AGBL4: variants seen among roughly 807,000 people sequenced by gnomAD.
The protein encoded by AGBL4 is AGBL carboxypeptidase 4, also known as cytosolic carboxypeptidase 6.
Under a neutral mutation model 66.4 loss-of-function variants are expected in AGBL4, and 58 were observed. The observed-to-expected ratio is 0.87, with a 90% CI of 0.71 to 1.09. The LOEUF is 1.09. Ranked by LOEUF, AGBL4 falls within the 50% of genes least tolerant of loss-of-function variation. AGBL4 has a pLI of 0.00. For synonymous variants in AGBL4, 234 were observed against 222.9 expected (o/e 1.05, Z -0.44); for missense variants, 579 against 631.0 (o/e 0.92, Z 0.88).
At chr1:49,333,401 A>G (rs1377426832) in intron 3 of AGBL4, among the ~76,000 whole-genome samples, 1 of 152,042 alleles carries the variant, frequency 6.6e-6, no homozygotes, top group Non-Finnish European at 1.5e-5. Context: ...TCACTTGAAC[A>G]AGGGAGTCGG....
chr1:49,150,128 C>T (rs112852384), intron 4 of AGBL4, among the ~76,000 whole-genome samples: 4 of 152,094 alleles, frequency 2.6e-5, no homozygotes, highest in African/African-American at 7.2e-5. Context: ...GAGCCCTGCA[C>T]GCCTTAGGGG....
intron 3 of AGBL4, among the ~76,000 whole-genome samples, chr1:49,256,307 T>C (rs965680637): frequency 1.3e-5 from 2 of 152,168 alleles, no homozygotes; most frequent in Non-Finnish European, 2.9e-5. Context: ...AGTTGTAATA[T>C]ATCAATTAAA....
chr1:49,565,712 C>A (rs1038285209), intron 3 of AGBL4, among the ~76,000 whole-genome samples: 6 of 152,116 alleles, frequency 3.9e-5, no homozygotes, highest in African/African-American at 1.4e-4. Flanking sequence ...GGTAACCCAA[C>A]CTTTCTCTCT....
At chr1:48,817,104 A>G (rs1646198299) in intron 6 of AGBL4, among the ~76,000 whole-genome samples, 1 of 152,036 alleles carries the variant, frequency 6.6e-6, no homozygotes, top group African/African-American at 2.4e-5. Context: ...AAAAACTGGG[A>G]AAAAAAATGA....
intron 1 of AGBL4, among the ~76,000 whole-genome samples, chr1:49,957,377 G>A (rs965942865): frequency 1.3e-5 from 2 of 151,952 alleles, no homozygotes; most frequent in African/African-American, 4.8e-5. Context: ...TATTAGGTCT[G>A]CTTGGTGCAG....
chr1:48,571,583 G>A (rs1281085236), intron 11 of AGBL4, among the ~76,000 whole-genome samples: 5 of 152,246 alleles, frequency 3.3e-5, no homozygotes, highest in Admixed American at 6.5e-5. Flanking sequence ...AGAGGCCACT[G>A]CCTCCTACTG....
At chr1:49,827,764 A>G (rs545456739) in intron 2 of AGBL4, among the ~76,000 whole-genome samples, 1 of 152,320 alleles carries the variant, frequency 6.6e-6, no homozygotes, top group South Asian at 2.1e-4. Flanking sequence ...GGCAAATTGC[A>G]CCTGGCATGA....
intron 6 of AGBL4, among the ~76,000 whole-genome samples, chr1:48,724,467 T>C (rs935568060): frequency 6.6e-6 from 1 of 152,176 alleles, no homozygotes; most frequent in Non-Finnish European, 1.5e-5. Flanking sequence ...GTTTACTCAA[T>C]TGCAGCTTTA....
chr1:48,885,797 G>A lies in AGBL4; in HGVS notation c.595-18567C>T, dbSNP rs1570922170. Among the ~76,000 whole-genome samples, 16 of 152,230 alleles carry A rather than the reference G, an allele frequency of 1.1e-4. 1 individual carries two copies. The South Asian group carries it at 3.3e-3, about 32-fold the overall frequency. Reference sequence around the variant, plus strand: ...AGTGCACAGGGCCCACTGGCTGCTGGTTATACCACCATCTTGGCTTCTGCC... The same window carrying A: ...AGTGCACAGGGCCCACTGGCTGCTGATTATACCACCATCTTGGCTTCTGCC... On this transcript the variant is annotated intron_variant, in intron 5 of 13. Transcript: ENST00000371839.
intron 3 of AGBL4, among the ~76,000 whole-genome samples, chr1:49,262,196 C>T (rs1171148915): frequency 5.3e-5 from 8 of 152,140 alleles, no homozygotes; most frequent in African/African-American, 1.9e-4. Context: ...AGACCTAAAA[C>T]CATAAAAACC....
At chr1:48,776,642 G>A in intron 6 of AGBL4, 1 of 1,484,458 alleles carries the variant, frequency 6.7e-7, no homozygotes, top group Non-Finnish European at 8.9e-7. Flanking sequence ...TGGAGCAACA[G>A]CGCGCCCCAG....
intron 2 of AGBL4, among the ~76,000 whole-genome samples, chr1:49,722,261 A>G (rs1451871112): frequency 2.0e-5 from 3 of 152,158 alleles, no homozygotes; most frequent in Admixed American, 2.0e-4. Context: ...ATATAATTTT[A>G]TATTCATATT....
chr1:49,333,401 A>C (rs1377426832), intron 3 of AGBL4, among the ~76,000 whole-genome samples: 1 of 152,042 alleles, frequency 6.6e-6, no homozygotes. Context: ...TCACTTGAAC[A>C]AGGGAGTCGG....
At chr1:49,446,461 A>G (rs1646158564) in intron 3 of AGBL4, among the ~76,000 whole-genome samples, 1 of 152,112 alleles carries the variant, frequency 6.6e-6, no homozygotes, top group African/African-American at 2.4e-5. Flanking sequence ...AAACAGCATT[A>G]TTAGTGCTTT....
intron 5 of AGBL4, among the ~76,000 whole-genome samples, chr1:48,925,741 T>TA (rs1654497823): frequency 1.3e-5 from 2 of 152,196 alleles, no homozygotes; most frequent in African/African-American, 4.8e-5. Flanking sequence ...ATGCAGAACT[T>TA]ACGGATATGG....
chr1:48,684,579 C>A (rs1174510043), intron 6 of AGBL4, among the ~76,000 whole-genome samples: 1 of 152,106 alleles, frequency 6.6e-6, no homozygotes, highest in Non-Finnish European at 1.5e-5. Flanking sequence ...CTTGGAAGCC[C>A]GGAAGAAGGA....
intron 2 of AGBL4, among the ~76,000 whole-genome samples, chr1:49,835,513 G>T (rs1355014510): frequency 6.6e-6 from 1 of 152,098 alleles, no homozygotes; most frequent in Non-Finnish European, 1.5e-5. Flanking sequence ...GATGGGTGTT[G>T]ACTCTTTATC....
At chr1:49,476,652 T>C (rs114256967) in intron 3 of AGBL4, among the ~76,000 whole-genome samples, 1,672 of 152,234 alleles carry the variant, frequency 0.011, 16 homozygotes, top group Non-Finnish European at 0.017. Flanking sequence ...ATTATCATTA[T>C]ATAATGCCCT....
intron 5 of AGBL4, among the ~76,000 whole-genome samples, chr1:48,898,877 C>G (rs1239329178): frequency 6.6e-6 from 1 of 152,206 alleles, no homozygotes; most frequent in Non-Finnish European, 1.5e-5. Flanking sequence ...AGAATTTTGT[C>G]AAGAGCGTCG....
Sources: allele counts gnomAD v4.1 joint callset (sites outside exome capture counted in the v4.1 genomes callset), GRCh38; gene constraint gnomAD v4.1.1; transcripts MANE v1.5; gene names NCBI Gene and HGNC (gene_info 2026-07-23, HGNC 2026-07-21).